Variants in CFHR1 observed in about 807,000 individuals in gnomAD.
CFHR1 encodes the protein complement factor H-related protein 1.
CFHR1 carries 22 observed loss-of-function variants against 30.4 expected under a neutral mutation model. The ratio of observed to expected loss-of-function variants is 0.72; its 90% confidence interval spans 0.52 to 1.03. CFHR1 has a LOEUF of 1.03. Among genes scored for constraint, CFHR1 ranks in the 50% least tolerant of loss-of-function variants. The pLI, the probability that CFHR1 is intolerant of heterozygous loss-of-function variation, is 0.00. For synonymous variants in CFHR1, 95 were observed against 129.1 expected (o/e 0.74, Z 1.79); for missense variants, 248 against 380.6 (o/e 0.65, Z 2.90).
rs192681546 is a variant in CFHR1, at chr1:196,824,692, A to T, written c.59-785A>T. Among the ~76,000 whole-genome samples the T allele has an allele frequency of 2.2e-3, 248 of 114,034 alleles. 46 individuals are homozygous for T. Among genetic ancestry groups the T allele is most frequent in the African/African-American group, 9.7e-3 (235 of 24,278 alleles). The allele number at this position is 114,034 out of a possible 152,430, so 74.8% of individuals were successfully genotyped here. ...TTATTATCTTTATTGTTTTTTTCAA[A>T]TATTTTTGATCTGCAGTTGGTTGAA... On this transcript the variant is annotated intron_variant, in intron 1 of 5. Coordinates refer to ENST00000320493, the MANE Select transcript of CFHR1 (RefSeq NM_002113.3).
At position 196,826,182 on chromosome 1, in the gene CFHR1, G is replaced by T. The variant is rs1655314310; in HGVS notation, c.253+511G>T. Reference sequence around the variant, plus strand: ...AGGTGTATTAAAAGAAAAAAAAATTGGGAGACAGATACATGAGGCAACAAA... The same window carrying T: ...AGGTGTATTAAAAGAAAAAAAAATTTGGAGACAGATACATGAGGCAACAAA... On this transcript the variant is annotated intron_variant, in intron 2 of 5. Transcript: ENST00000320493. 2.2e-5 allele frequency among the ~76,000 whole-genome samples: 3 copies of T among 134,076 alleles called. 1 individual carries two copies. In the South Asian group the frequency reaches 7.8e-4, roughly 35 times the overall value. The allele number at this position is 134,076 out of a possible 152,430, so 88.0% of individuals were successfully genotyped here. A position where few individuals can be genotyped will look rare whatever the true frequency, so the allele number is the denominator to read the frequency against.
Position 196,829,616 on chromosome 1 carries a change from G to C in CFHR1, c.608-884G>C, listed in dbSNP as rs1417817522. Among the ~76,000 whole-genome samples, 4 of 134,778 alleles carry C rather than the reference G, an allele frequency of 3.0e-5. 1 individual carries two copies. Among genetic ancestry groups the C allele is most frequent in the African/African-American group, 1.3e-4 (4 of 31,474 alleles). 88.4% of individuals were successfully genotyped at this position (134,778 alleles called of 152,430 possible). A position where few individuals can be genotyped will look rare whatever the true frequency, so the allele number is the denominator to read the frequency against. On this transcript the variant is annotated intron_variant, in intron 4 of 5. Coordinates refer to ENST00000320493, the MANE Select transcript of CFHR1 (RefSeq NM_002113.3). Reference sequence around the variant, plus strand: ...TCAAATTTGGAGTTGACAGTTCTTTGAACACTTGAAAACTGTGCCACATGG... The same window carrying C: ...TCAAATTTGGAGTTGACAGTTCTTTCAACACTTGAAAACTGTGCCACATGG...
intron 1 of CFHR1, chr1:196,820,971 C>G (rs1655098829): frequency 2.2e-5 from 3 of 133,770 alleles, no homozygotes; most frequent in Admixed American, 2.1e-4. Flanking sequence ...TCCCAAGTGG[C>G]TAGGATTACA....
chr1:196,831,626 T>A (rs1428328973), intron 5 of CFHR1, among the ~76,000 whole-genome samples, 171 bp from the exon 6 acceptor site: 1 of 135,668 alleles, frequency 7.4e-6, no homozygotes, highest in Non-Finnish European at 1.6e-5. Context: ...TTCACATCGA[T>A]TACCATTTTA....
chr1:196,827,094 G>A (rs1256387546), intron 3 of CFHR1, 89 bp downstream of exon 3: 2 of 1,287,964 alleles, frequency 1.6e-6, no homozygotes, highest in East Asian at 4.7e-5. Flanking sequence ...TATAGGTTTT[G>A]CCACATACTT....
chr1:196,826,317 C>A (rs1310958525), intron 2 of CFHR1, among the ~76,000 whole-genome samples: 1 of 134,534 alleles, frequency 7.4e-6, no homozygotes, highest in East Asian at 2.0e-4. Flanking sequence ...TAAAATATTT[C>A]ATTATAAAAA....
chr1:196,827,068 T>A, intron 3 of CFHR1, 63 bp downstream of exon 3: 1 of 1,416,318 alleles, frequency 7.1e-7, no homozygotes, highest in Non-Finnish European at 9.7e-7. Flanking sequence ...GAAATAAATC[T>A]TTTTTACAGG....
intron 3 of CFHR1, among the ~76,000 whole-genome samples, chr1:196,827,529 A>T (rs1170136543): frequency 7.4e-6 from 1 of 135,374 alleles, no homozygotes; most frequent in Non-Finnish European, 1.6e-5. Context: ...TCCAATTTAG[A>T]TCCTTTGATT....
Position 196,831,953 on chromosome 1 carries a change from C to T in CFHR1, c.947C>T (p.Thr316Ile). Residue 316 changes from threonine (T) to isoleucine (I), a missense_variant, in exon 6 of 6, where the codon ACA (threonine) becomes ATA (isoleucine). Around this residue, in one of 3 missense-constraint regions of CFHR1, gnomAD observed 112 missense variants for 156.4 expected, o/e 0.72. Transcript: ENST00000320493. ...TCACGTTCTCACACATTGCGAACAACATGTTGGGATGGGAAACTGGAGTAT... is the reference window on the plus strand; with the variant it reads ...TCACGTTCTCACACATTGCGAACAATATGTTGGGATGGGAAACTGGAGTAT... ...LSSRSHTLRT[T>I]CWDGKLEYPT... 6.6e-7 allele frequency: 1 copy of T among 1,524,730 alleles called. No individual in the cohort carries two copies. The highest frequency in any genetic ancestry group is 8.9e-7 in the Non-Finnish European group (1 of 1,128,572). 94.5% of individuals were successfully genotyped at this position (1,524,730 alleles called of 1,614,324 possible).
chr1:196,831,350 G>A lies in CFHR1; in HGVS notation c.791-447G>A, dbSNP rs1450364185. Among the ~76,000 whole-genome samples, 23 of 134,758 alleles carry A rather than the reference G, an allele frequency of 1.7e-4. 8 individuals carry two copies. Among genetic ancestry groups the A allele is most frequent in the African/African-American group, 6.4e-4 (20 of 31,474 alleles). The allele number at this position is 134,758 out of a possible 152,430, so 88.4% of individuals were successfully genotyped here. On this transcript the variant is annotated intron_variant, in intron 5 of 5. Coordinates refer to ENST00000320493, the MANE Select transcript of CFHR1 (RefSeq NM_002113.3). The stretch of plus-strand genomic sequence containing the variant: ...GTGAGTATGTGTGTGTGTGTTTGTG[G>A]TGAGGACACTTAAAATCTGCTTTCT...
At position 196,827,056 on chromosome 1, in the gene CFHR1, G is replaced by A; in HGVS notation, c.430+51G>A. ...TGCTGTTATCTATTATAAAGTTTGAGAGAAATAAATCTTTTTTACAGGTTA... is the reference window on the plus strand; with the variant it reads ...TGCTGTTATCTATTATAAAGTTTGAAAGAAATAAATCTTTTTTACAGGTTA... On this transcript the variant is annotated intron_variant, in intron 3 of 5. Transcript: ENST00000320493. The A allele has an allele frequency of 2.7e-6, 4 of 1,455,356 alleles. 1 individual carries two copies. The highest frequency in any genetic ancestry group is 3.7e-6 in the Non-Finnish European group (4 of 1,067,744). 90.2% of individuals were successfully genotyped at this position (1,455,356 alleles called of 1,614,324 possible).
rs1301201223 is a variant in CFHR1 at position 196,827,141 on chromosome 1, T to C, written c.430+136T>C. ...CATTTGATTTTCAGTTCCAATTGTG[T>C]CCAAGTGGATGTTGAATAACATAGT... On this transcript the variant is annotated intron_variant, in intron 3 of 5. Transcript: ENST00000320493. The C allele has an allele frequency of 8.2e-6, 8 of 976,886 alleles. 1 individual carries two copies. Among genetic ancestry groups the C allele is most frequent in the Non-Finnish European group, 9.0e-6 (6 of 668,714 alleles). The allele number at this position is 976,886 out of a possible 1,614,324, so 60.5% of individuals were successfully genotyped here. A position where few individuals can be genotyped will look rare whatever the true frequency, so the allele number is the denominator to read the frequency against.
chr1:196,829,839 C>A (rs112720562), intron 4 of CFHR1, among the ~76,000 whole-genome samples: 2,989 of 134,608 alleles, frequency 0.022, 860 homozygotes, highest in African/African-American at 0.087. Flanking sequence ...GCCTTATTGT[C>A]AAAATGGGAA....
intron 4 of CFHR1, 30 bp from the exon 5 acceptor site, chr1:196,830,470 T>G (rs186492664): frequency 3.9e-6 from 6 of 1,519,750 alleles, no homozygotes; most frequent in East Asian, 2.2e-5. Context: ...GCTCTCACAA[T>G]AAATCAAGTG....
At chr1:196,823,105 G>A (rs199916100) in intron 1 of CFHR1, among the ~76,000 whole-genome samples, 2 of 49,462 alleles carry the variant, frequency 4.0e-5, no homozygotes, top group Non-Finnish European at 7.6e-5. Flanking sequence ...ATATATATGT[G>A]TGTGTGTGTG....
At chr1:196,820,862 G>T in intron 1 of CFHR1, 1 of 131,116 alleles carries the variant, frequency 7.6e-6, no homozygotes, top group African/African-American at 3.5e-5. Context: ...TTTTTGAGAT[G>T]GACTTTCACT....
rs1369153785 is a variant in CFHR1, at chr1:196,829,341, A to G, written c.607+1095A>G. Among the ~76,000 whole-genome samples, 2 of 135,336 alleles carry G rather than the reference A, an allele frequency of 1.5e-5. 1 individual carries two copies. Among genetic ancestry groups the G allele is most frequent in the African/African-American group, 6.3e-5 (2 of 31,774 alleles). The allele number at this position is 135,336 out of a possible 152,430, so 88.8% of individuals were successfully genotyped here. A position where few individuals can be genotyped will look rare whatever the true frequency, so the allele number is the denominator to read the frequency against. ...AACTCATTTGCTTCAAATATCAAAC[A>G]TAATTGAAAAAACTTATGAGGAAAA... On this transcript the variant is annotated intron_variant, in intron 4 of 5. Transcript: ENST00000320493.
At position 196,829,121 on chromosome 1, in the gene CFHR1, C is replaced by G. The variant is rs186531693; in HGVS notation, c.607+875C>G. On this transcript the variant is annotated intron_variant, in intron 4 of 5. Transcript: ENST00000320493. ...CATTGTATCTCTTTGCATAGCTTTT[C>G]TTCTCCTTTTAAAAAGTTGTTGCTC... Among the ~76,000 whole-genome samples the G allele has an allele frequency of 5.3e-4, 71 of 134,010 alleles. 16 individuals are homozygous for G. Among genetic ancestry groups the G allele is most frequent in the African/African-American group, 2.2e-3 (69 of 31,316 alleles). The allele number at this position is 134,010 out of a possible 152,430, so 87.9% of individuals were successfully genotyped here.
chr1:196,830,536 A>G lies in CFHR1; in HGVS notation c.644A>G (p.Asp215Gly). ...TGKCGPPPPI[D>G]NGDITSFPLS... ...AAATGTGGGCCCCCTCCACCTATTG[A>G]CAATGGGGACATTACTTCATTCCCG... The change falls in exon 5 of 6, where the codon GAC (aspartate) becomes GGC (glycine). Residue 215 changes from aspartate to glycine, a missense_variant. Transcript: ENST00000320493. The G allele has an allele frequency of 2.0e-6, 3 of 1,525,460 alleles. 1 individual carries two copies. The highest frequency in any genetic ancestry group is 2.5e-5 in the South Asian group (2 of 80,238). 94.5% of individuals were successfully genotyped at this position (1,525,460 alleles called of 1,614,324 possible).
Sources: gnomAD v4.1 joint callset for allele counts (sites outside exome capture counted in the v4.1 genomes callset) on GRCh38, gnomAD v4.1.1 for gene constraint, gnomAD v4.1.1 regional missense constraint, MANE v1.5 for transcripts, NCBI Gene and HGNC (gene_info 2026-07-23, HGNC 2026-07-21) for gene names.